The following SLC35F6 variants were observed in gnomAD, a reference collection of about 807,000 sequenced individuals.
SLC35F6 encodes the protein solute carrier family 35 member F6.
SLC35F6 carries 26 observed loss-of-function variants against 29.4 expected under a neutral mutation model. The ratio of observed to expected loss-of-function variants is 0.89; its 90% CI spans 0.65 to 1.23. The LOEUF is 1.23. Among genes scored for constraint, SLC35F6 ranks in the 50% most tolerant of loss-of-function variants. SLC35F6 has a pLI of 0.00. For synonymous variants in SLC35F6, 174 were observed against 206.6 expected (o/e 0.84, Z 1.35); for missense variants, 428 against 487.8 (o/e 0.88, Z 1.15).
At chr2:26,767,854 T>C (rs1002014902) in intron 1 of SLC35F6, among the ~76,000 whole-genome samples, 1 of 152,064 alleles carries the variant, frequency 6.6e-6, no homozygotes, top group African/African-American at 2.4e-5. Flanking sequence ...CAAATAATAA[T>C]AATAAATAAT....
At position 26,780,118 on chromosome 2, in the gene SLC35F6, A is replaced by G. The variant is rs1345760085; in HGVS notation, c.*1607A>G. 6.6e-6 allele frequency: 1 copy of G among 151,992 alleles called. No individual in the cohort carries two copies. The highest frequency in any genetic ancestry group is 1.5e-5 in the Non-Finnish European group (1 of 68,016). The allele number at this position is 151,992 out of a possible 1,614,324, so 9.4% of individuals were successfully genotyped here. On this transcript the variant is annotated 3_prime_UTR_variant, in exon 6 of 6. Transcript: ENST00000344420. ...CACCACACCTGGGCAACAGAGTGAAACCTGTCCCTGTTTTCCTGCTCTTAC... is the reference window on the plus strand; with the variant it reads ...CACCACACCTGGGCAACAGAGTGAAGCCTGTCCCTGTTTTCCTGCTCTTAC...
At chr2:26,771,521 G>A (rs928448110) in intron 1 of SLC35F6, among the ~76,000 whole-genome samples, 17 of 152,280 alleles carry the variant, frequency 1.1e-4, no homozygotes, top group Admixed American at 9.2e-4. Context: ...CTTTGCCTCT[G>A]TTTCACTCAG....
Position 26,775,643 on chromosome 2 carries a change from G to A in SLC35F6, c.502G>A (p.Asp168Asn), listed in dbSNP as rs148368637. The A allele has an allele frequency of 2.0e-5, 32 of 1,597,894 alleles. No individual in the cohort carries two copies. Among genetic ancestry groups the A allele is most frequent in the East Asian group, 6.8e-5 (3 of 44,354 alleles). The stretch of plus-strand genomic sequence containing the variant: ...CCTGGCTGACCTCCTGAGCAAGCAC[G>A]ACAGTCAGCACAAGCTCAGCGAAGT... ...VGLADLLSKH[D>N]SQHKLSEVIT... The change falls in exon 4 of 6, where the codon GAC (aspartate) becomes AAC (asparagine). Residue 168 changes from aspartate (D) to asparagine (N), a missense_variant. Coordinates refer to ENST00000344420, the MANE Select transcript of SLC35F6 (RefSeq NM_017877.4). This position sits in a 1 kb window ranked among gnomAD's most constrained non-coding sequence, Gnocchi z 4.6.
chr2:26,767,477 C>T (rs1664115063), intron 1 of SLC35F6, among the ~76,000 whole-genome samples: 2 of 152,226 alleles, frequency 1.3e-5, no homozygotes, highest in Non-Finnish European at 2.9e-5. Flanking sequence ...GCCTGCTGTG[C>T]TGGGGCGGCA....
In SLC35F6 at chr2:26,776,963, G is replaced by C. The variant is rs543035841; in HGVS notation, c.646+481G>C. On this transcript the variant is annotated intron_variant, in intron 5 of 5. Transcript: ENST00000344420. ...ACCTGTAATCCCAGCACTTTTGAGA[G>C]ACCAAAGCGGGTGGATCACTTGAGG... is the stretch of plus-strand genomic sequence containing the variant. Among the ~76,000 whole-genome samples, 6 of 152,342 alleles carry C rather than the reference G, an allele frequency of 3.9e-5. No individual in the cohort carries two copies. In the East Asian group the frequency reaches 9.6e-4, roughly 24 times the overall value.
At position 26,780,957 on chromosome 2, in the gene SLC35F6, G is replaced by A. The variant is rs982634394; in HGVS notation, c.*2446G>A. The A allele has an allele frequency of 6.6e-6, 1 of 152,126 alleles. No homozygotes were observed. The highest frequency in any genetic ancestry group is 1.5e-5 in the Non-Finnish European group (1 of 68,068). The allele number at this position is 152,126 out of a possible 1,614,324, so 9.4% of individuals were successfully genotyped here. A position where few individuals can be genotyped will look rare whatever the true frequency, so the allele number is the denominator to read the frequency against. On this transcript the variant is annotated 3_prime_UTR_variant, in exon 6 of 6. Coordinates refer to ENST00000344420, the MANE Select transcript of SLC35F6 (RefSeq NM_017877.4). ...AGGTTATTACAGCTTGTGGGGGGAG[G>A]GAGGGTCCATTCCACCAGCTTTGAA...
rs772110635 is a variant in SLC35F6 at position 26,778,477 on chromosome 2, G to C, written c.1082G>C (p.Gly361Ala). Reference sequence around the variant, plus strand: ...GAGAGCGAGCAGGAGAGACTGCTGGGTGGCACCCGCACTCCCATCAATGAT... The same window carrying C: ...GAGAGCGAGCAGGAGAGACTGCTGGCTGGCACCCGCACTCCCATCAATGAT... Reference protein sequence around the residue: ...AEESEQERLLGGTRTPINDAS With the variant: ...AEESEQERLLAGTRTPINDAS Residue 361 changes from glycine (G) to alanine (A), a missense_variant, in exon 6 of 6, where the codon GGT (glycine) becomes GCT (alanine). Transcript: ENST00000344420. The C allele has an allele frequency of 1.2e-6, 2 of 1,611,546 alleles. No homozygotes were observed. The highest frequency in any genetic ancestry group is 1.3e-5 in the African/African-American group (1 of 74,842).
In SLC35F6 at chr2:26,775,074, T is replaced by C; in HGVS notation, c.181T>C (p.Cys61Arg). 6.2e-7 allele frequency: 1 copy of C among 1,614,104 alleles called. No homozygotes were observed. Among genetic ancestry groups the C allele is most frequent in the Non-Finnish European group, 8.5e-7 (1 of 1,179,980 alleles). Residue 61 changes from cysteine (C) to arginine (R), a missense_variant, in exon 3 of 6, where the codon TGC (cysteine) becomes CGC (arginine). Physicochemically the swap from Cys to Arg is radical, Grantham distance 180. Transcript: ENST00000344420. The surrounding 1 kb of genome is among the most constrained non-coding windows in gnomAD (Gnocchi z 4.6). The stretch of plus-strand genomic sequence containing the variant: ...GGGCATGTTCCTGGGAGAATTCTCC[T>C]GCCTGGCTGCCTTCTACCTCCTCCG... The part of the protein sequence containing the change: ...AVGMFLGEFS[C>R]LAAFYLLRCR...
In SLC35F6 at chr2:26,778,679, C is replaced by G; in HGVS notation, c.*168C>G. 1 of 651,922 alleles carries G rather than the reference C, an allele frequency of 1.5e-6. No homozygotes were observed. Among genetic ancestry groups the G allele is most frequent in the Non-Finnish European group, 2.6e-6 (1 of 390,166 alleles). The allele number at this position is 651,922 out of a possible 1,614,324, so 40.4% of individuals were successfully genotyped here. On this transcript the variant is annotated 3_prime_UTR_variant, in exon 6 of 6. Transcript: ENST00000344420. ...CAGAAGATAACAACACCCAAGTCCT[C>G]TTTTTCTCACTACCACCTGCAGGGT...
chr2:26,775,316 C>T lies in SLC35F6; in HGVS notation c.322+101C>T. ...CCCACCCACCTCCACTTCATCCCAC[C>T]ATTCCCCCAGACTTCACACGCACAG... On this transcript the variant is annotated intron_variant, in intron 3 of 5. Coordinates refer to ENST00000344420, the MANE Select transcript of SLC35F6 (RefSeq NM_017877.4). The surrounding 1 kb of genome is among the most constrained non-coding windows in gnomAD (Gnocchi z 4.6). The T allele has an allele frequency of 2.0e-6, 3 of 1,531,150 alleles. No homozygotes were observed. Among genetic ancestry groups the T allele is most frequent in the Non-Finnish European group, 2.6e-6 (3 of 1,134,758 alleles). The allele number at this position is 1,531,150 out of a possible 1,614,324, so 94.8% of individuals were successfully genotyped here.
chr2:26,764,528 C>G (rs1664059768), intron 1 of SLC35F6, 102 bp downstream of exon 1: 1 of 1,419,258 alleles, frequency 7.0e-7, no homozygotes, highest in Admixed American at 2.0e-5. Flanking sequence ...CCCTGCTTTC[C>G]CACTTGCTCC....
chr2:26,765,859 A>C (rs1429968882), intron 1 of SLC35F6, among the ~76,000 whole-genome samples: 1 of 152,226 alleles, frequency 6.6e-6, no homozygotes, highest in Non-Finnish European at 1.5e-5. Flanking sequence ...TGAACACAGC[A>C]AAGCAAGTCT....
At chr2:26,771,263 G>A (rs1454304051) in intron 1 of SLC35F6, among the ~76,000 whole-genome samples, 1 of 152,204 alleles carries the variant, frequency 6.6e-6, no homozygotes, top group African/African-American at 2.4e-5. Flanking sequence ...ACTCAGGTGG[G>A]AAGTAGGACT....
chr2:26,770,762 C>T (rs1189053588), intron 1 of SLC35F6, among the ~76,000 whole-genome samples: 3 of 152,066 alleles, frequency 2.0e-5, no homozygotes, highest in South Asian at 2.1e-4. Flanking sequence ...AAACAACAAA[C>T]GTTGTGAAGA....
Position 26,764,356 on chromosome 2 carries a change from T to C in SLC35F6, c.7T>C (p.Trp3Arg). Reference protein sequence around the residue: MAWTKYQLFLAGL... With the variant: MARTKYQLFLAGL... ...AACCCCAGCGTCCGCCGACATGGCCTGGACCAAGTACCAGCTGTTCCTGGC... is the reference window on the plus strand; with the variant it reads ...AACCCCAGCGTCCGCCGACATGGCCCGGACCAAGTACCAGCTGTTCCTGGC... The change falls in exon 1 of 6, where the codon TGG (tryptophan) becomes CGG (arginine). Residue 3 changes from tryptophan to arginine, a missense_variant. By Grantham distance (101) the Trp-to-Arg change is moderately radical. Transcript: ENST00000344420. The C allele has an allele frequency of 1.3e-6, 2 of 1,550,794 alleles. No individual in the cohort carries two copies. Among genetic ancestry groups the C allele is most frequent in the Non-Finnish European group, 1.7e-6 (2 of 1,146,822 alleles).
intron 1 of SLC35F6, among the ~76,000 whole-genome samples, chr2:26,768,682 G>C (rs1398189413): frequency 7.2e-6 from 1 of 139,212 alleles, no homozygotes; most frequent in Non-Finnish European, 1.5e-5. Flanking sequence ...TTTAAGACAC[G>C]GTCTCTCTCT....
intron 1 of SLC35F6, among the ~76,000 whole-genome samples, chr2:26,765,235 C>G (rs1302221436): frequency 5.9e-5 from 9 of 152,200 alleles, no homozygotes; most frequent in Admixed American, 4.6e-4. Flanking sequence ...GAGCAAGAAA[C>G]AAGGATCACT....
In SLC35F6 at chr2:26,780,988, G is replaced by A. The variant is rs528553542; in HGVS notation, c.*2477G>A. On this transcript the variant is annotated 3_prime_UTR_variant, in exon 6 of 6. Transcript: ENST00000344420. ...TCCATTCCACCAGCTTTGAATCCCA[G>A]GGTCCCCTCAGCTTCACTGGGCCAC... 75 of 152,266 alleles carry A rather than the reference G, an allele frequency of 4.9e-4. No homozygotes were observed. The highest frequency in any genetic ancestry group is 1.7e-3 in the African/African-American group (70 of 41,542). The allele number at this position is 152,266 out of a possible 1,614,324, so 9.4% of individuals were successfully genotyped here. A position where few individuals can be genotyped will look rare whatever the true frequency, so the allele number is the denominator to read the frequency against.
At chr2:26,772,339 T>A (rs1664213292) in intron 1 of SLC35F6, among the ~76,000 whole-genome samples, 1 of 152,146 alleles carries the variant, frequency 6.6e-6, no homozygotes, top group Admixed American at 6.5e-5. Flanking sequence ...TGCACTGCAA[T>A]CTGACTGCCC....
Sources: gnomAD v4.1 joint callset for allele counts (sites outside exome capture counted in the v4.1 genomes callset) on GRCh38, gnomAD v4.1.1 for gene constraint, Gnocchi (gnomAD v3.1) non-coding constraint, MANE v1.5 for transcripts, NCBI Gene and HGNC (gene_info 2026-07-23, HGNC 2026-07-21) for gene names.